Variants in ARHGAP26 observed in about 807,000 individuals in gnomAD.
ARHGAP26 encodes Rho GTPase activating protein 26.
Under a neutral mutation model 104.8 loss-of-function variants are expected in ARHGAP26, and 38 were observed. The observed-to-expected ratio is 0.36, with a 90% CI of 0.28 to 0.48. The LOEUF is 0.48. ARHGAP26 is among the 20% of genes least tolerant of loss of function. The pLI is 0.99. For synonymous variants in ARHGAP26, 341 were observed against 340.0 expected (o/e 1.00, Z -0.03); for missense variants, 704 against 947.9 (o/e 0.74, Z 3.38).
intron 17 of ARHGAP26, among the ~76,000 whole-genome samples, chr5:143,101,449 CTT>C (rs1793217564): frequency 6.6e-6 from 1 of 152,138 alleles, no homozygotes; most frequent in Admixed American, 6.5e-5. Context: ...AGTCCTCACT[CTT>C]TCCTTTGGTT....
intron 11 of ARHGAP26, among the ~76,000 whole-genome samples, chr5:142,978,060 C>G (rs1384079324): frequency 6.6e-6 from 1 of 152,210 alleles, no homozygotes; most frequent in Non-Finnish European, 1.5e-5. Flanking sequence ...AAAATATTTT[C>G]CATTTCACTC....
intron 17 of ARHGAP26, among the ~76,000 whole-genome samples, chr5:143,098,997 A>G (rs1229955163): frequency 6.6e-6 from 1 of 152,240 alleles, no homozygotes; most frequent in Non-Finnish European, 1.5e-5. Context: ...AGGCTTGTTT[A>G]TATGTCCAAT....
intron 5 of ARHGAP26, among the ~76,000 whole-genome samples, chr5:142,893,737 CTTA>C (rs746019734): frequency 1.2e-4 from 19 of 152,190 alleles, no homozygotes; most frequent in Non-Finnish European, 2.5e-4. Context: ...TCTCCCCATC[CTTA>C]CCAGCATTTG....
At chr5:142,986,985 G>A (rs1415496741) in intron 11 of ARHGAP26, among the ~76,000 whole-genome samples, 4 of 152,026 alleles carry the variant, frequency 2.6e-5, no homozygotes, top group East Asian at 1.9e-4. Flanking sequence ...TTGGCAATGC[G>A]GCTCTTTTTT....
At chr5:143,046,356 C>T (rs1044744056) in intron 14 of ARHGAP26, among the ~76,000 whole-genome samples, 3 of 152,074 alleles carry the variant, frequency 2.0e-5, no homozygotes, top group African/African-American at 4.8e-5. Context: ...TGAATTACTT[C>T]GAGTTTATTT....
chr5:143,139,239 G>C (rs913166033), intron 19 of ARHGAP26, among the ~76,000 whole-genome samples: 54 of 152,314 alleles, frequency 3.5e-4, no homozygotes, highest in African/African-American at 1.2e-3. Context: ...CTCTACTTAT[G>C]TGCCTACTAA....
chr5:143,142,134 CTTTTTTT>C (rs762332039), intron 19 of ARHGAP26, among the ~76,000 whole-genome samples: 10 of 105,350 alleles, frequency 9.5e-5, no homozygotes, highest in African/African-American at 4.1e-4. Flanking sequence ...CTACTTTTCA[CTTTTTTT>C]TTTTTTTTTT....
intron 1 of ARHGAP26, among the ~76,000 whole-genome samples, chr5:142,845,991 C>T (rs1235653489): frequency 1.3e-5 from 2 of 152,178 alleles, no homozygotes; most frequent in African/African-American, 2.4e-5. Context: ...AGACCAATCA[C>T]GTTTTGATTT....
At chr5:143,123,229 T>C (rs1156311877) in intron 18 of ARHGAP26, among the ~76,000 whole-genome samples, 3 of 152,228 alleles carry the variant, frequency 2.0e-5, no homozygotes, top group Non-Finnish European at 2.9e-5. Flanking sequence ...GAACAGAACA[T>C]GTACATTACT....
At chr5:143,064,466 A>G (rs534427324) in intron 17 of ARHGAP26, among the ~76,000 whole-genome samples, 1 of 149,936 alleles carries the variant, frequency 6.7e-6, no homozygotes, top group Admixed American at 6.7e-5. Flanking sequence ...GAAAGAAGTG[A>G]GTGATACCGC....
intron 22 of ARHGAP26, among the ~76,000 whole-genome samples, chr5:143,221,874 A>G (rs1256249342): frequency 6.7e-6 from 1 of 150,300 alleles, no homozygotes. Flanking sequence ...TTCCATGGGC[A>G]CTGCACTGAG....
chr5:142,898,437 G>T (rs2152442796), intron 6 of ARHGAP26, among the ~76,000 whole-genome samples: 1 of 152,292 alleles, frequency 6.6e-6, no homozygotes, highest in Non-Finnish European at 1.5e-5. Flanking sequence ...CATTAGGCCT[G>T]CATCCTCCGA....
At chr5:142,985,183 T>C (rs1184810972) in intron 11 of ARHGAP26, among the ~76,000 whole-genome samples, 3 of 152,108 alleles carry the variant, frequency 2.0e-5, no homozygotes, top group Non-Finnish European at 2.9e-5. Context: ...AAAAAAAACT[T>C]GTTGAATAAG....
chr5:143,058,098 C>A, intron 17 of ARHGAP26: 1 of 474,408 alleles, frequency 2.1e-6, no homozygotes, highest in Non-Finnish European at 4.1e-6. Context: ...TCATCAAGAA[C>A]AAACAAAAAT....
At chr5:142,852,436 C>T (rs753005243) in intron 1 of ARHGAP26, among the ~76,000 whole-genome samples, 4 of 152,224 alleles carry the variant, frequency 2.6e-5, no homozygotes, top group Non-Finnish European at 4.4e-5. Context: ...ATGGCAGGAT[C>T]AGCAATCTTA....
At chr5:143,165,597 T>C (rs1474861401) in intron 20 of ARHGAP26, among the ~76,000 whole-genome samples, 1 of 152,186 alleles carries the variant, frequency 6.6e-6, no homozygotes, top group Non-Finnish European at 1.5e-5. Context: ...AGGAAGTACA[T>C]GTGTAGGTTT....
intron 20 of ARHGAP26, among the ~76,000 whole-genome samples, chr5:143,176,395 G>T (rs1037121788): frequency 2.6e-5 from 4 of 152,186 alleles, no homozygotes; most frequent in African/African-American, 9.7e-5. Context: ...AGTTTCTTAT[G>T]GGAATTTACC....
At chr5:143,177,987 C>CTTTT (rs397705462) in intron 20 of ARHGAP26, among the ~76,000 whole-genome samples, 12 of 58,296 alleles carry the variant, frequency 2.1e-4, no homozygotes, top group Admixed American at 2.5e-4. Flanking sequence ...TGTGGCAGTC[C>CTTTT]TTTTTTTTTT....
rs1755034949 is a variant in ARHGAP26, at chr5:142,770,745, T to C, written c.-17T>C. On this transcript the variant is annotated 5_prime_UTR_variant, in exon 1 of 23. Transcript: ENST00000645722. Reference sequence around the variant, plus strand: ...CCCCGGCGGAGGCGCGCCCCCCGGCTGGGCGCCGCGCGCACCATGGGGCTC... The same window carrying C: ...CCCCGGCGGAGGCGCGCCCCCCGGCCGGGCGCCGCGCGCACCATGGGGCTC... 2.2e-6 allele frequency: 3 copies of C among 1,355,150 alleles called. No individual in the cohort carries two copies. In the East Asian group the frequency reaches 9.3e-5, roughly 42 times the overall value. The allele number at this position is 1,355,150 out of a possible 1,614,324, so 83.9% of individuals were successfully genotyped here.
Sources: allele counts gnomAD v4.1 joint callset (sites outside exome capture counted in the v4.1 genomes callset), GRCh38; gene constraint gnomAD v4.1.1; transcripts MANE v1.5; gene names NCBI Gene and HGNC (gene_info 2026-07-23, HGNC 2026-07-21).